Variants in SPAG16 observed in about 807,000 individuals in gnomAD.
The protein encoded by SPAG16 is sperm-associated antigen 16 protein.
In SPAG16, 86 loss-of-function variants were observed where a neutral mutation model predicts 80.4. That is an observed-to-expected ratio of 1.07 (90% CI 0.90 to 1.28). The LOEUF is 1.28. Ranked by LOEUF, SPAG16 falls within the 50% of genes most tolerant of loss-of-function variation. The pLI, the probability that SPAG16 is intolerant of heterozygous loss-of-function variation, is 0.00. For synonymous variants in SPAG16, 294 were observed against 265.9 expected, an observed-to-expected ratio of 1.11 and a Z score of -1.03; for missense variants, 870 against 765.3, an observed-to-expected ratio of 1.14 and a Z score of -1.61.
intron 10 of SPAG16, among the ~76,000 whole-genome samples, chr2:213,514,950 G>A (rs1013583470): frequency 6.6e-6 from 1 of 151,906 alleles, no homozygotes; most frequent in African/African-American, 2.4e-5. Context: ...TTGTCTTAAT[G>A]TGATGAATTA....
chr2:214,009,416 T>A (rs2047182085), intron 12 of SPAG16, among the ~76,000 whole-genome samples: 1 of 152,212 alleles, frequency 6.6e-6, no homozygotes, highest in South Asian at 2.1e-4. Flanking sequence ...ATTATATTCC[T>A]GTGCTATGTT....
At chr2:214,040,817 C>T (rs1184100490) in intron 13 of SPAG16, among the ~76,000 whole-genome samples, 1 of 152,110 alleles carries the variant, frequency 6.6e-6, no homozygotes, top group Non-Finnish European at 1.5e-5. Flanking sequence ...TCATTTTGAA[C>T]TGATTATTAC....
At chr2:213,745,213 T>G (rs559714206) in intron 10 of SPAG16, among the ~76,000 whole-genome samples, 29 of 152,324 alleles carry the variant, frequency 1.9e-4, no homozygotes, top group Non-Finnish European at 3.4e-4. Flanking sequence ...GATCTATTTC[T>G]GATACATTCA....
At chr2:214,345,426 A>G (rs569382478) in intron 15 of SPAG16, among the ~76,000 whole-genome samples, 1 of 152,080 alleles carries the variant, frequency 6.6e-6, no homozygotes, top group African/African-American at 2.4e-5. Context: ...CTCCTTCCCC[A>G]CTGTCTTTGC....
chr2:213,896,826 C>G, intron 11 of SPAG16, among the ~76,000 whole-genome samples: 1 of 151,770 alleles, frequency 6.6e-6, no homozygotes, highest in Non-Finnish European at 1.5e-5. Flanking sequence ...TATGTTAAAG[C>G]CAAACACATG....
At chr2:213,734,879 A>G (rs2067213321) in intron 10 of SPAG16, among the ~76,000 whole-genome samples, 1 of 152,198 alleles carries the variant, frequency 6.6e-6, no homozygotes, top group African/African-American at 2.4e-5. Context: ...TGTACTTCAT[A>G]TGATGTGACA....
chr2:213,899,953 C>T (rs530725521), intron 11 of SPAG16, among the ~76,000 whole-genome samples: 28 of 152,244 alleles, frequency 1.8e-4, no homozygotes, highest in African/African-American at 6.5e-4. Flanking sequence ...CTTGATGCAG[C>T]TTTGTACAAC....
chr2:213,438,660 T>C (rs1222986795), intron 9 of SPAG16, among the ~76,000 whole-genome samples: 1 of 152,198 alleles, frequency 6.6e-6, no homozygotes, highest in Non-Finnish European at 1.5e-5. Context: ...TTCCCCTTGA[T>C]TGTGGGCAAA....
At chr2:213,628,032 G>T (rs1485419845) in intron 10 of SPAG16, among the ~76,000 whole-genome samples, 8 of 152,156 alleles carry the variant, frequency 5.3e-5, no homozygotes, top group Non-Finnish European at 7.3e-5. Context: ...ATGAGCCTTA[G>T]CATTGCCTCA....
chr2:213,539,027 T>C, intron 10 of SPAG16, among the ~76,000 whole-genome samples: 1 of 152,168 alleles, frequency 6.6e-6, no homozygotes, highest in Non-Finnish European at 1.5e-5. Context: ...CTTAAAACTA[T>C]GCACATAATC....
intron 15 of SPAG16, among the ~76,000 whole-genome samples, chr2:214,272,841 G>C (rs1692136246): frequency 7.2e-6 from 1 of 138,276 alleles, no homozygotes; most frequent in Non-Finnish European, 1.7e-5. Context: ...GGTATTTCTA[G>C]TTCTAGATCC....
At position 213,811,046 on chromosome 2, in the gene SPAG16, AT is replaced by A. The variant is rs536445894; in HGVS notation, c.1071-51436del. On this transcript the variant is annotated intron_variant, in intron 10 of 15. Coordinates refer to ENST00000331683, the MANE Select transcript of SPAG16 (RefSeq NM_024532.5). The stretch of plus-strand genomic sequence containing the variant: ...TGATGAAGGGAGGGTCTCCTGGAAA[AT>A]TTGTTTTCATATTGACTTTTATTAA... 2.2e-3 allele frequency among the ~76,000 whole-genome samples: 334 copies of A among 152,302 alleles called. 1 individual carries two copies. The highest frequency in any genetic ancestry group is 7.7e-3 in the African/African-American group (322 of 41,566).
chr2:213,478,359 T>G (rs1416463446), intron 9 of SPAG16, among the ~76,000 whole-genome samples: 1 of 152,212 alleles, frequency 6.6e-6, no homozygotes, highest in Non-Finnish European at 1.5e-5. Context: ...CTGAGCTGTT[T>G]AGATATCTTA....
At chr2:214,154,494 T>A (rs2056122941) in intron 15 of SPAG16, among the ~76,000 whole-genome samples, 1 of 98,734 alleles carries the variant, frequency 1.0e-5, no homozygotes, top group Non-Finnish European at 2.1e-5. Flanking sequence ...GCAAAAAGTA[T>A]CAGACCCCCC....
At chr2:213,748,886 C>T (rs544835693) in intron 10 of SPAG16, among the ~76,000 whole-genome samples, 2 of 152,266 alleles carry the variant, frequency 1.3e-5, no homozygotes, top group South Asian at 2.1e-4. Flanking sequence ...TGGTGGCACA[C>T]GTCTGTAATC....
At chr2:214,313,385 G>T (rs1315660992) in intron 15 of SPAG16, among the ~76,000 whole-genome samples, 1 of 152,026 alleles carries the variant, frequency 6.6e-6, no homozygotes, top group African/African-American at 2.4e-5. Flanking sequence ...ACATGTGTCA[G>T]AGTGCTCCCA....
intron 6 of SPAG16, among the ~76,000 whole-genome samples, chr2:213,344,553 C>A (rs1023637836): frequency 6.6e-6 from 1 of 152,062 alleles, no homozygotes; most frequent in Admixed American, 6.6e-5. Context: ...CAACAGGCCC[C>A]GGTATGTGAT....
chr2:213,704,056 C>G (rs1036348328), intron 10 of SPAG16, among the ~76,000 whole-genome samples: 25 of 152,196 alleles, frequency 1.6e-4, no homozygotes, highest in African/African-American at 5.8e-4. Context: ...TCCCCTTGTT[C>G]TTCTGGCTGT....
intron 10 of SPAG16, among the ~76,000 whole-genome samples, chr2:213,635,303 C>T (rs113175183): frequency 0.02 from 3,014 of 152,026 alleles, 43 homozygotes; most frequent in Middle Eastern, 0.051. Context: ...CCAAAGTGCT[C>T]GGATTACAGG....
Sources: allele counts gnomAD v4.1 joint callset (sites outside exome capture counted in the v4.1 genomes callset), GRCh38; gene constraint gnomAD v4.1.1; transcripts MANE v1.5; gene names NCBI Gene and HGNC (gene_info 2026-07-23, HGNC 2026-07-21).